XPO1: variants seen among roughly 807,000 people sequenced by gnomAD.
XPO1 encodes exportin 1, also known as exportin-1.
A neutral mutation model predicts 133.3 loss-of-function variants in XPO1; 5 were observed. The observed-to-expected ratio is 0.04, with a 90% CI of 0.02 to 0.08. The LOEUF (loss-of-function observed/expected upper bound fraction) is 0.08, where lower values mean the gene tolerates loss of function less well. Ranked by LOEUF, XPO1 falls within the 10% of genes least tolerant of loss-of-function variation. The pLI is 1.00. For synonymous variants in XPO1, 419 were observed against 408.2 expected (o/e 1.03, Z -0.32); for missense variants, 506 against 1,267.5 (o/e 0.40, Z 9.12).
chr2:61,522,023 C>T lies in XPO1; in HGVS notation c.301+588G>A, dbSNP rs188790362. On this transcript the variant is annotated intron_variant, in intron 4 of 24. Coordinates refer to ENST00000401558, the MANE Select transcript of XPO1 (RefSeq NM_003400.4). ...CCCTCCCACTTCAGCCTCACGAAGTCCTGGGATTACAGGCTTGAGCCACTG... is the reference window on the plus strand; with the variant it reads ...CCCTCCCACTTCAGCCTCACGAAGTTCTGGGATTACAGGCTTGAGCCACTG... Among the ~76,000 whole-genome samples the T allele has an allele frequency of 2.0e-3, 301 of 152,208 alleles. 3 individuals are homozygous for T. The highest frequency in any genetic ancestry group is 5.7e-3 in the African/African-American group (236 of 41,550).
intron 4 of XPO1, among the ~76,000 whole-genome samples, chr2:61,506,792 T>G (rs979333611): frequency 6.6e-6 from 1 of 152,060 alleles, no homozygotes; most frequent in African/African-American, 2.4e-5. Context: ...AGCTTGAAAT[T>G]TGACAGAAAA....
chr2:61,479,157 G>C (rs772639398), intron 24 of XPO1, among the ~76,000 whole-genome samples, 191 bp from the exon 25 acceptor site: 5 of 147,512 alleles, frequency 3.4e-5, no homozygotes, highest in East Asian at 1.9e-4. Context: ...GTTAACTGGT[G>C]GGGGGGAAGA....
intron 4 of XPO1, 123 bp downstream of exon 4, chr2:61,522,488 A>T: frequency 1.3e-6 from 1 of 786,298 alleles, no homozygotes; most frequent in Admixed American, 2.5e-5. Flanking sequence ...TCATGATAAA[A>T]GCAATAAGCT....
At chr2:61,538,575 A>C (rs1420751940), upstream of XPO1, 1 of 152,464 alleles carries the variant, frequency 6.6e-6, no homozygotes, top group African/African-American at 2.4e-5. Context: ...GTGGAGGAGG[A>C]GGAGGTGGGA....
rs1220503329 is a variant in XPO1, at chr2:61,477,948, GTTTAT to G, written c.*867_*871del. On this transcript the variant is annotated 3_prime_UTR_variant, in exon 25 of 25. Coordinates refer to ENST00000401558, the MANE Select transcript of XPO1 (RefSeq NM_003400.4). Reference sequence around the variant, plus strand: ...TAAAGGAAAAATAAATGTAAACCAAGTTTATTTTGCTTTTTAAGTAGTGTTCTTAA... The same window carrying G: ...TAAAGGAAAAATAAATGTAAACCAAGTTTGCTTTTTAAGTAGTGTTCTTAA... 1 of 228,038 alleles carries G rather than the reference GTTTAT, an allele frequency of 4.4e-6. No individual in the cohort carries two copies. The highest frequency in any genetic ancestry group is 8.7e-6 in the Non-Finnish European group (1 of 114,572). 14.1% of individuals were successfully genotyped at this position (228,038 alleles called of 1,614,324 possible).
rs34659499 is a variant in XPO1, at chr2:61,501,721, C to CAAAA, written c.408+271_408+274dup. On this transcript the variant is annotated intron_variant, in intron 6 of 24. Transcript: ENST00000401558. ...CTGGGCAACAGAGGGAGACTGTCTCCAAAAAAAAAAAAAAAAGAAAAGAAA... is the reference window on the plus strand; with the variant it reads ...CTGGGCAACAGAGGGAGACTGTCTCCAAAAAAAAAAAAAAAAAAAAGAAAAGAAA... 9.9e-5 allele frequency among the ~76,000 whole-genome samples: 11 copies of CAAAA among 111,402 alleles called. No individual in the cohort carries two copies. In the East Asian group the frequency reaches 1.3e-3, roughly 13 times the overall value. The allele number at this position is 111,402 out of a possible 152,430, so 73.1% of individuals were successfully genotyped here. A position where few individuals can be genotyped will look rare whatever the true frequency, so the allele number is the denominator to read the frequency against.
intron 3 of XPO1, among the ~76,000 whole-genome samples, chr2:61,523,249 T>G (rs77494787): frequency 6.6e-6 from 1 of 152,220 alleles, no homozygotes; most frequent in Non-Finnish European, 1.5e-5. Flanking sequence ...CCCACCCTTA[T>G]AGTTGCTATT....
Position 61,488,784 on chromosome 2 carries a change from A to G in XPO1, c.2023-13T>C. The G allele has an allele frequency of 2.5e-6, 4 of 1,611,386 alleles. No individual in the cohort carries two copies. The South Asian group carries it at 4.4e-5, about 18-fold the overall frequency. ...GTATATCCACATTCTTGGAGGAAAA[A>G]AAGCAAATTCCATTTATCATATAAG... On this transcript the variant is annotated splice_polypyrimidine_tract_variant and intron_variant, in intron 17 of 24. Transcript: ENST00000401558.
rs558484539 is a variant in XPO1, at chr2:61,509,070, C to CG, written c.302-6761dup. On this transcript the variant is annotated intron_variant, in intron 4 of 24. Coordinates refer to ENST00000401558, the MANE Select transcript of XPO1 (RefSeq NM_003400.4). The stretch of plus-strand genomic sequence containing the variant: ...GGCTGGAGTGCAATGGTGCTATCTC[C>CG]GCTCACTGCAACCTCCACCTCCCGA... Among the ~76,000 whole-genome samples, 417 of 152,138 alleles carry CG rather than the reference C, an allele frequency of 2.7e-3. 2 individuals carry two copies. Among genetic ancestry groups the CG allele is most frequent in the Non-Finnish European group, 5.3e-3 (359 of 68,006 alleles).
chr2:61,497,681 G>A (rs1266850442), intron 9 of XPO1, among the ~76,000 whole-genome samples: 1 of 152,156 alleles, frequency 6.6e-6, no homozygotes, highest in Non-Finnish European at 1.5e-5. Context: ...AGAGTAATAA[G>A]AATATGGGAA....
chr2:61,531,821 G>A (rs996022758), intron 2 of XPO1, among the ~76,000 whole-genome samples: 2 of 152,090 alleles, frequency 1.3e-5, no homozygotes, highest in Admixed American at 6.5e-5. Context: ...TAATAAATAC[G>A]GATGGTTAAT....
rs1235996297 is a variant in XPO1 at position 61,498,792 on chromosome 2, C to T, written c.640G>A (p.Glu214Lys). ...ACAAGTGGAGCATTTTGAGAATTTTCCTATAACAAAACACACTTGTAAATA... is the reference window on the plus strand; with the variant it reads ...ACAAGTGGAGCATTTTGAGAATTTTTCTATAACAAAACACACTTGTAAATA... ...QIFQLCQFVM[E>K]NSQNAPLVHA... Residue 214 changes from glutamate to lysine, a missense_variant and splice_region_variant, in exon 9 of 25, where the codon GAA becomes AAA. Physicochemically the swap from Glu to Lys is moderately conservative, Grantham distance 56. Coordinates refer to ENST00000401558, the MANE Select transcript of XPO1 (RefSeq NM_003400.4). 6.2e-7 allele frequency: 1 copy of T among 1,613,286 alleles called. No homozygotes were observed. Among genetic ancestry groups the T allele is most frequent in the Admixed American group, 1.7e-5 (1 of 59,888 alleles).
intron 22 of XPO1, 53 bp from the exon 23 acceptor site, chr2:61,482,592 T>A: frequency 1.4e-6 from 2 of 1,417,060 alleles, no homozygotes; most frequent in Non-Finnish European, 9.3e-7. Flanking sequence ...ACTATAGATC[T>A]TAGCGTTTTT....
chr2:61,490,794 C>T lies in XPO1; in HGVS notation c.1888-18G>A. 6.2e-7 allele frequency: 1 copy of T among 1,609,260 alleles called. No individual in the cohort carries two copies. ...GTATGAACCTATTTTAAAAAGCAGA[C>T]ATTTTAACGTTTATGTTATACACCC... is the stretch of plus-strand genomic sequence containing the variant. On this transcript the variant is annotated intron_variant, in intron 16 of 24. Transcript: ENST00000401558.
intron 2 of XPO1, among the ~76,000 whole-genome samples, chr2:61,528,736 TATATATATATATA>T (rs1699023415): frequency 5.3e-4 from 1 of 1,890 alleles, no homozygotes; most frequent in African/African-American, 3.8e-3. Context: ...ATTTTATTTA[TATATATATATATA>T]TATATATATA....
intron 6 of XPO1, among the ~76,000 whole-genome samples, chr2:61,500,527 C>T (rs781547527): frequency 7.3e-6 from 1 of 137,512 alleles, no homozygotes; most frequent in Non-Finnish European, 1.5e-5. Context: ...TGCAGTGAGC[C>T]GAGACCAGGC....
intron 7 of XPO1, among the ~76,000 whole-genome samples, chr2:61,499,322 A>G (rs1697391022): frequency 6.6e-6 from 1 of 152,194 alleles, no homozygotes; most frequent in Non-Finnish European, 1.5e-5. Flanking sequence ...CTGAGGCAAG[A>G]AAATCACCTC....
rs775726142 is a variant in XPO1 at position 61,484,404 on chromosome 2, G to A, written c.2509-299C>T. Reference sequence around the variant, plus strand: ...CTACTATCACTTTTGTTTTTAATTTGAAATCACCACTACAGATTACAAAAA... The same window carrying A: ...CTACTATCACTTTTGTTTTTAATTTAAAATCACCACTACAGATTACAAAAA... On this transcript the variant is annotated intron_variant, in intron 20 of 24. Coordinates refer to ENST00000401558, the MANE Select transcript of XPO1 (RefSeq NM_003400.4). 1.1e-4 allele frequency: 30 copies of A among 280,300 alleles called. No homozygotes were observed. The Admixed American group carries it at 1.3e-3, about 13-fold the overall frequency. 17.4% of individuals were successfully genotyped at this position (280,300 alleles called of 1,614,324 possible). A position where few individuals can be genotyped will look rare whatever the true frequency, so the allele number is the denominator to read the frequency against.
At chr2:61,524,708 G>A (rs1335104294) in intron 3 of XPO1, among the ~76,000 whole-genome samples, 1 of 152,242 alleles carries the variant, frequency 6.6e-6, no homozygotes, top group Non-Finnish European at 1.5e-5. Context: ...GGGAGGGCCA[G>A]GAGTTCAAGA....
Sources: allele counts gnomAD v4.1 joint callset (sites outside exome capture counted in the v4.1 genomes callset), GRCh38; gene constraint gnomAD v4.1.1; transcripts MANE v1.5; gene names NCBI Gene and HGNC (gene_info 2026-07-23, HGNC 2026-07-21).